LNPK: variants seen among roughly 807,000 people sequenced by gnomAD.
LNPK encodes lunapark, ER junction formation factor, also known as endoplasmic reticulum junction formation protein lunapark.
LNPK carries 29 observed loss-of-function variants against 55.2 expected under a neutral mutation model. That is an observed-to-expected ratio of 0.53 (90% confidence interval 0.39 to 0.72). LNPK has a LOEUF of 0.72. LNPK is among the 30% of genes least tolerant of loss of function. The pLI, the probability that LNPK is intolerant of heterozygous loss-of-function variation, is 0.00. For missense variants in LNPK, 467 were observed against 494.8 expected, an observed-to-expected ratio of 0.94 and a Z score of 0.53; for synonymous variants, 162 against 168.2, an observed-to-expected ratio of 0.96 and a Z score of 0.29.
At chr2:175,954,843 A>C (rs1685614245) in intron 8 of LNPK, among the ~76,000 whole-genome samples, 6 of 152,214 alleles carry the variant, frequency 3.9e-5, no homozygotes, top group Admixed American at 3.9e-4. Context: ...CACCAGCATA[A>C]GCACATTGAA....
In LNPK at chr2:175,938,354, GA is replaced by G; in HGVS notation, c.841del (p.Ser281LeufsTer7). 1 of 1,602,204 alleles carries G rather than the reference GA, an allele frequency of 6.2e-7. No homozygotes were observed. Among genetic ancestry groups the G allele is most frequent in the South Asian group, 1.1e-5 (1 of 89,930 alleles). On this transcript the variant is annotated frameshift_variant, in exon 11 of 13. Coordinates refer to ENST00000272748, the MANE Select transcript of LNPK (RefSeq NM_030650.3). LOFTEE classifies it high-confidence loss of function. ...TTCCTTCAAAGCCATGCCATTATGA[GA>G]AAAACACTGCTGACATATAAGTGCA... ...RYALICQQCF[S>X]HNGMALKEEF...
At chr2:175,987,415 T>A (rs1687474862) in intron 4 of LNPK, among the ~76,000 whole-genome samples, 1 of 152,052 alleles carries the variant, frequency 6.6e-6, no homozygotes, top group Non-Finnish European at 1.5e-5. Context: ...TAGCAAACTA[T>A]CGCAAGGACA....
chr2:175,992,116 AACTC>A (rs1336959306), intron 4 of LNPK, 111 bp downstream of exon 4: 12 of 636,472 alleles, frequency 1.9e-5, no homozygotes, highest in Middle Eastern at 8.5e-4. Context: ...AAGAAATTCA[AACTC>A]AATCAGATAT....
At chr2:175,964,753 C>G (rs1686243312) in intron 6 of LNPK, among the ~76,000 whole-genome samples, 164 bp from the exon 7 acceptor site, 1 of 152,106 alleles carries the variant, frequency 6.6e-6, no homozygotes. Context: ...GGCTTCTAAC[C>G]TCTAATATGT....
intron 6 of LNPK, among the ~76,000 whole-genome samples, chr2:175,965,351 A>G (rs1485879932): frequency 6.6e-6 from 1 of 152,230 alleles, no homozygotes; most frequent in Non-Finnish European, 1.5e-5. Flanking sequence ...AATCACTAGT[A>G]AAGTATCACT....
At chr2:175,984,259 A>G (rs1011340568) in intron 4 of LNPK, among the ~76,000 whole-genome samples, 3 of 151,720 alleles carry the variant, frequency 2.0e-5, no homozygotes, top group Admixed American at 2.0e-4. Flanking sequence ...ACTCACTGAA[A>G]CCTCCGCCTC....
At chr2:175,964,626 A>G (rs199870846) in intron 6 of LNPK, 37 bp from the exon 7 acceptor site, 23 of 1,057,828 alleles carry the variant, frequency 2.2e-5, no homozygotes, top group African/African-American at 1.2e-4. Flanking sequence ...TCACACTTCA[A>G]AACACACACT....
intron 5 of LNPK, among the ~76,000 whole-genome samples, chr2:175,973,716 A>C (rs1347602625): frequency 6.6e-6 from 1 of 152,242 alleles, no homozygotes; most frequent in African/African-American, 2.4e-5. Flanking sequence ...TGGACAACTC[A>C]AACTACAATT....
chr2:175,939,492 T>TACAC (rs138833018), intron 10 of LNPK, 60 bp downstream of exon 10: 44 of 885,076 alleles, frequency 5.0e-5, no homozygotes, highest in East Asian at 1.0e-4. Context: ...ATCTAGTGTG[T>TACAC]ACACACACAC....
chr2:175,992,234 A>C lies in LNPK; in HGVS notation c.254T>G (p.Leu85Trp), dbSNP rs1687736490. ...AMTLPFFAFP[L>W]IIWSIRTVII... Reference sequence around the variant, plus strand: ...ACAAAAAGAATAATTTACTTACATCAATGGAAAAGCAAAAAATGGGAGTGT... The same window carrying C: ...ACAAAAAGAATAATTTACTTACATCCATGGAAAAGCAAAAAATGGGAGTGT... The change falls in exon 4 of 13, where the codon TTG becomes TGG. Residue 85 changes from leucine (L) to tryptophan (W), a missense_variant. Physicochemically the swap from Leu to Trp is moderately conservative, Grantham distance 61. Transcript: ENST00000272748. The C allele has an allele frequency of 1.3e-6, 2 of 1,552,788 alleles. No homozygotes were observed. Among genetic ancestry groups the C allele is most frequent in the South Asian group, 1.3e-5 (1 of 79,552 alleles).
intron 6 of LNPK, among the ~76,000 whole-genome samples, chr2:175,965,083 A>C (rs941346305): frequency 6.6e-6 from 1 of 152,230 alleles, no homozygotes; most frequent in African/African-American, 2.4e-5. Context: ...CTTGCTGCAA[A>C]TGCAGTGAAA....
At chr2:175,983,872 C>A (rs1687288305) in intron 4 of LNPK, among the ~76,000 whole-genome samples, 1 of 144,614 alleles carries the variant, frequency 6.9e-6, no homozygotes, top group East Asian at 2.0e-4. Flanking sequence ...AAACAAAAAA[C>A]AAAAATTAAA....
chr2:175,951,872 G>C (rs534195394), intron 8 of LNPK, among the ~76,000 whole-genome samples: 93 of 151,600 alleles, frequency 6.1e-4, no homozygotes, highest in African/African-American at 2.2e-3. Flanking sequence ...AGTGTTCCCT[G>C]TTCACCACAC....
At chr2:175,938,488 A>G (rs1339317897) in intron 10 of LNPK, 105 bp from the exon 11 acceptor site, 35 of 532,830 alleles carry the variant, frequency 6.6e-5, no homozygotes, top group Non-Finnish European at 1.2e-4. Context: ...ACACAGCTAA[A>G]TATGCCATAA....
intron 5 of LNPK, among the ~76,000 whole-genome samples, chr2:175,973,714 T>C (rs1686764143): frequency 6.6e-6 from 1 of 152,198 alleles, no homozygotes. Flanking sequence ...CGTGGACAAC[T>C]CAAACTACAA....
chr2:175,930,316 AC>A (rs1684215534), intron 12 of LNPK, 117 bp from the exon 13 acceptor site: 2 of 631,836 alleles, frequency 3.2e-6, no homozygotes, highest in South Asian at 2.2e-5. Flanking sequence ...ACACACACAC[AC>A]AAAGAAACCA....
chr2:175,932,127 G>A (rs1462357481), intron 12 of LNPK: 1 of 454,084 alleles, frequency 2.2e-6, no homozygotes, highest in Non-Finnish European at 4.4e-6. Context: ...CACATAGTTT[G>A]TCATATTCTG....
chr2:175,992,314 G>A lies in LNPK; in HGVS notation c.174C>T (p.Cys58=), dbSNP rs755687221. 5 of 1,570,600 alleles carry A rather than the reference G, an allele frequency of 3.2e-6. No homozygotes were observed. In the East Asian group the frequency reaches 9.7e-5, roughly 30 times the overall value. The change falls in exon 4 of 13, where the codon TGC becomes TGT. Residue 58 remains cysteine, a synonymous_variant. Coordinates refer to ENST00000272748, the MANE Select transcript of LNPK (RefSeq NM_030650.3). Reference sequence around the variant, plus strand: ...GAAGATACCACAAATATACAATTAAGCATGTAAACAGATAGAGAACTGAGG... The same window carrying A: ...GAAGATACCACAAATATACAATTAAACATGTAAACAGATAGAGAACTGAGG... ...LYSSVLYLFT[C]LIVYLWYLPD... is the part of the protein sequence containing the mutation.
At chr2:175,949,211 T>C (rs926936446) in intron 8 of LNPK, among the ~76,000 whole-genome samples, 6 of 152,150 alleles carry the variant, frequency 3.9e-5, no homozygotes. Flanking sequence ...TATATTTTGC[T>C]ACTTTCCATG....
Sources: allele counts gnomAD v4.1 joint callset (sites outside exome capture counted in the v4.1 genomes callset), GRCh38; gene constraint gnomAD v4.1.1; transcripts MANE v1.5; gene names NCBI Gene and HGNC (gene_info 2026-07-23, HGNC 2026-07-21).